ATP1A3: variants seen among roughly 807,000 people sequenced by gnomAD.
ATP1A3 encodes ATPase Na+/K+ transporting subunit alpha 3.
Under a neutral mutation model 108.8 loss-of-function variants are expected in ATP1A3, and 12 were observed. The observed-to-expected ratio is 0.11, with a 90% confidence interval of 0.07 to 0.18. The LOEUF is 0.18. ATP1A3 is among the 10% of genes least tolerant of loss of function. The pLI, the probability that ATP1A3 is intolerant of heterozygous loss-of-function variation, is 1.00. For missense variants in ATP1A3, 498 were observed against 1,387.7 expected, an observed-to-expected ratio of 0.36 and a Z score of 10.19; for synonymous variants, 539 against 564.5, an observed-to-expected ratio of 0.95 and a Z score of 0.64.
At chr19:41,993,320 A>T in intron 1 of ATP1A3, 1 of 1,439,704 alleles carries the variant, frequency 6.9e-7, no homozygotes, top group Non-Finnish European at 9.4e-7. Flanking sequence ...AGGCAAGGAC[A>T]CAGCCAGGCA....
intron 4 of ATP1A3, 22 bp downstream of exon 4, chr19:41,987,914 A>G (rs2075301424): frequency 6.2e-7 from 1 of 1,612,338 alleles, no homozygotes; most frequent in Non-Finnish European, 8.5e-7. Flanking sequence ...AGCCTTGCAC[A>G]GGGCAGGGTC....
intron 8 of ATP1A3, 24 bp from the exon 9 acceptor site, chr19:41,982,130 A>C: frequency 6.2e-7 from 1 of 1,613,910 alleles, no homozygotes; most frequent in Non-Finnish European, 8.5e-7. Flanking sequence ...AAGGGCAGGC[A>C]AGTTACAGGG....
Position 41,968,747 on chromosome 19 carries a change from A to G in ATP1A3, c.2819+38T>C, listed in dbSNP as rs1555859134. 6.2e-7 allele frequency: 1 copy of G among 1,612,898 alleles called. No individual in the cohort carries two copies. The highest frequency in any genetic ancestry group is 8.5e-7 in the Non-Finnish European group (1 of 1,179,152). ...AGACAGACAGACACTCGGACAGGAC[A>G]GATGGCTGTCCAGTCACCATGTGCC... On this transcript the variant is annotated intron_variant, in intron 20 of 22. Transcript: ENST00000648268. This position sits in a 1 kb window ranked among gnomAD's most constrained non-coding sequence, Gnocchi z 5.0.
At chr19:41,975,177 G>A (rs905839726) in intron 16 of ATP1A3, among the ~76,000 whole-genome samples, 2 of 151,936 alleles carry the variant, frequency 1.3e-5, no homozygotes, top group Admixed American at 6.6e-5. Flanking sequence ...TCAGCCTCCC[G>A]AGTAGCTGGG....
Position 41,985,715 on chromosome 19 carries a change from T to C in ATP1A3, c.606+149A>G. On this transcript the variant is annotated intron_variant, in intron 6 of 22. Coordinates refer to ENST00000648268, the MANE Select transcript of ATP1A3 (RefSeq NM_152296.5). This position sits in a 1 kb window ranked among gnomAD's most constrained non-coding sequence, Gnocchi z 8.2. The stretch of plus-strand genomic sequence containing the variant: ...GGCCCAGGGCCTAAACTCCTGGGTC[T>C]GAGGGAGGAGGGCCTGGGGGCCTGG... 8.0e-7 allele frequency: 1 copy of C among 1,253,414 alleles called. No homozygotes were observed. Among genetic ancestry groups the C allele is most frequent in the Non-Finnish European group, 1.1e-6 (1 of 916,506 alleles). The allele number at this position is 1,253,414 out of a possible 1,614,324, so 77.6% of individuals were successfully genotyped here.
Position 41,967,811 on chromosome 19 carries a change from C to A in ATP1A3, c.2820-48G>T. On this transcript the variant is annotated intron_variant, in intron 20 of 22. Transcript: ENST00000648268. This position sits in a 1 kb window ranked among gnomAD's most constrained non-coding sequence, Gnocchi z 4.2. ...CTGGGCCCAGAGAGCACCCACCCTG[C>A]ACCTGCCACCCCGCAGAGACAGGGG... is the stretch of plus-strand genomic sequence containing the variant. 1 of 1,552,476 alleles carries A rather than the reference C, an allele frequency of 6.4e-7. No individual in the cohort carries two copies. The highest frequency in any genetic ancestry group is 8.9e-7 in the Non-Finnish European group (1 of 1,129,460).
At chr19:41,969,135 C>A (rs766744529) in intron 19 of ATP1A3, among the ~76,000 whole-genome samples, 1 of 152,132 alleles carries the variant, frequency 6.6e-6, no homozygotes, top group Non-Finnish European at 1.5e-5. Flanking sequence ...CCACCAGGGG[C>A]CAGGGAGGAG....
In ATP1A3 at chr19:41,966,662, A is replaced by T; in HGVS notation, c.*275T>A. On this transcript the variant is annotated 3_prime_UTR_variant, in exon 23 of 23. Transcript: ENST00000648268. Reference sequence around the variant, plus strand: ...CCGGGGGGCTGAAGGGGAGTAAAAAAGAGCCCAGGGAGGTGGCTGGGGCGG... The same window carrying T: ...CCGGGGGGCTGAAGGGGAGTAAAAATGAGCCCAGGGAGGTGGCTGGGGCGG... 5.3e-6 allele frequency: 8 copies of T among 1,523,060 alleles called. No individual in the cohort carries two copies. The highest frequency in any genetic ancestry group is 7.1e-6 in the Non-Finnish European group (8 of 1,129,762). 94.3% of individuals were successfully genotyped at this position (1,523,060 alleles called of 1,614,324 possible).
Position 41,994,063 on chromosome 19 carries a change from G to A in ATP1A3, c.6+8C>T. The A allele has an allele frequency of 6.2e-7, 1 of 1,605,944 alleles. No homozygotes were observed. Among genetic ancestry groups the A allele is most frequent in the Non-Finnish European group, 8.5e-7 (1 of 1,177,248 alleles). ...ACGGAAGCGGCGCCCAGCCGGCTCA[G>A]CACCTACCCCCATCTTGGCGGCTCC... On this transcript the variant is annotated splice_region_variant and intron_variant, in intron 1 of 22. Transcript: ENST00000648268.
Position 41,976,514 on chromosome 19 carries a change from C to T in ATP1A3, c.1996G>A (p.Glu666Lys), listed in dbSNP as rs782395799. Residue 666 changes from glutamate to lysine, a missense_variant, in exon 15 of 23, where the codon GAG becomes AAG. Glu to Lys is a moderately conservative substitution (Grantham distance 56). This residue lies in a region of ATP1A3 where 20 missense variants were observed against 17.8 expected (regional missense o/e 1.12). Transcript: ENST00000648268. Reference protein sequence around the residue: ...HGTDLKDFTSEQIDEILQNHT... With the variant: ...HGTDLKDFTSKQIDEILQNHT... ...TTCTGCAGGATCTCGTCGATTTGCT[C>T]GGAGGTGAAGTCCTTGAGGTCGGTG... The T allele has an allele frequency of 3.7e-6, 6 of 1,614,014 alleles. No homozygotes were observed. The highest frequency in any genetic ancestry group is 1.3e-5 in the African/African-American group (1 of 74,912).
chr19:41,981,497 A>T lies in ATP1A3; in HGVS notation c.1437+5T>A, dbSNP rs2075231295. ...AGGCTGGCTCTCCCGGAAAGCCCAG[A>T]GTACCTGGTATTTGTTGGTGGAATT... is the stretch of plus-strand genomic sequence containing the variant. On this transcript the variant is annotated splice_donor_5th_base_variant and intron_variant, in intron 11 of 22. Coordinates refer to ENST00000648268, the MANE Select transcript of ATP1A3 (RefSeq NM_152296.5). This position sits in a 1 kb window ranked among gnomAD's most constrained non-coding sequence, Gnocchi z 5.0. The T allele has an allele frequency of 1.2e-6, 2 of 1,614,056 alleles. No homozygotes were observed. Among genetic ancestry groups the T allele is most frequent in the Non-Finnish European group, 1.7e-6 (2 of 1,180,038 alleles).
At chr19:41,971,464 T>C (rs2075109246) in intron 16 of ATP1A3, among the ~76,000 whole-genome samples, 1 of 152,146 alleles carries the variant, frequency 6.6e-6, no homozygotes, top group Admixed American at 6.6e-5. Context: ...ATGTTCACCA[T>C]AGCACCACTC....
rs542945494 is a variant in ATP1A3 at position 41,989,025 on chromosome 19, G to A, written c.7-463C>T. 2.4e-3 allele frequency among the ~76,000 whole-genome samples: 365 copies of A among 151,920 alleles called. 2 individuals carry two copies. Among genetic ancestry groups the A allele is most frequent in the African/African-American group, 5.7e-3 (238 of 41,406 alleles). Reference sequence around the variant, plus strand: ...AGCAATCACAGCTCACTGCAGCCTCGACTTCTGAGGCTCAGGTGATCCTCC... The same window carrying A: ...AGCAATCACAGCTCACTGCAGCCTCAACTTCTGAGGCTCAGGTGATCCTCC... On this transcript the variant is annotated intron_variant, in intron 1 of 22. Transcript: ENST00000648268.
At chr19:41,971,774 G>C (rs1015661615) in intron 16 of ATP1A3, among the ~76,000 whole-genome samples, 4 of 152,082 alleles carry the variant, frequency 2.6e-5, no homozygotes, top group Admixed American at 2.6e-4. Flanking sequence ...TAAATGGGGG[G>C]CTGGAATGGT....
rs2075069032 is a variant in ATP1A3 at position 41,968,586 on chromosome 19, G to A, written c.2819+199C>T. Among the ~76,000 whole-genome samples, 1 of 152,138 alleles carries A rather than the reference G, an allele frequency of 6.6e-6. No homozygotes were observed. The highest frequency in any genetic ancestry group is 1.5e-5 in the Non-Finnish European group (1 of 68,014). ...AGCTACTCAGGAGGCTGAGGTGGGT[G>A]GGTCACTTGAGCCCAGGAGGTCGAG... is the stretch of plus-strand genomic sequence containing the variant. On this transcript the variant is annotated intron_variant, in intron 20 of 22. Transcript: ENST00000648268. The surrounding 1 kb of genome is among the most constrained non-coding windows in gnomAD (Gnocchi z 5.0).
chr19:41,988,557 C>T lies in ATP1A3; in HGVS notation c.12G>A (p.Lys4=), dbSNP rs1555866350. The change falls in exon 2 of 23, where the codon AAG becomes AAA. Residue 4 remains lysine, a synonymous_variant. Coordinates refer to ENST00000648268, the MANE Select transcript of ATP1A3 (RefSeq NM_152296.5). This position sits in a 1 kb window ranked among gnomAD's most constrained non-coding sequence, Gnocchi z 5.3. ...TCTTGGGTGAGTCCTTGTCATCTTT[C>T]TTGTCCTGCGAGGTGGCGATACGAT... is the stretch of plus-strand genomic sequence containing the variant. MGD[K]KDDKDSPKKN... is the part of the protein sequence containing the mutation. The T allele has an allele frequency of 3.1e-6, 5 of 1,614,178 alleles. No homozygotes were observed.
chr19:41,967,898 T>C lies in ATP1A3; in HGVS notation c.2820-135A>G. The C allele has an allele frequency of 2.6e-6, 2 of 765,230 alleles. No individual in the cohort carries two copies. The highest frequency in any genetic ancestry group is 4.6e-6 in the Non-Finnish European group (2 of 436,866). The allele number at this position is 765,230 out of a possible 1,614,324, so 47.4% of individuals were successfully genotyped here. ...ACACAGAGACAGAGAGGCAGAGACA[T>C]AGGGAGAGACAGAGATGGGGAGACA... On this transcript the variant is annotated intron_variant, in intron 20 of 22. Transcript: ENST00000648268. This position sits in a 1 kb window ranked among gnomAD's most constrained non-coding sequence, Gnocchi z 4.2.
rs782717626 is a variant in ATP1A3 at position 41,988,567 on chromosome 19, G to A, written c.7-5C>T. 9.3e-6 allele frequency: 15 copies of A among 1,614,016 alleles called. No homozygotes were observed. Among genetic ancestry groups the A allele is most frequent in the South Asian group, 3.3e-5 (3 of 91,082 alleles). On this transcript the variant is annotated splice_polypyrimidine_tract_variant and splice_region_variant and intron_variant, in intron 1 of 22. Coordinates refer to ENST00000648268, the MANE Select transcript of ATP1A3 (RefSeq NM_152296.5). The surrounding 1 kb of genome is among the most constrained non-coding windows in gnomAD (Gnocchi z 5.3). ...GTCCTTGTCATCTTTCTTGTCCTGC[G>A]AGGTGGCGATACGATAGCTGTCAGA...
intron 16 of ATP1A3, among the ~76,000 whole-genome samples, chr19:41,975,115 A>G (rs1180641996): frequency 4.0e-5 from 6 of 151,242 alleles, no homozygotes; most frequent in Non-Finnish European, 7.4e-5. Flanking sequence ...GCTGTGGCGC[A>G]ATCTCAGCTC....
Sources: gnomAD v4.1 joint callset for allele counts (sites outside exome capture counted in the v4.1 genomes callset) on GRCh38, gnomAD v4.1.1 for gene constraint, gnomAD v4.1.1 regional missense constraint, Gnocchi (gnomAD v3.1) non-coding constraint, MANE v1.5 for transcripts, NCBI Gene and HGNC (gene_info 2026-07-23, HGNC 2026-07-21) for gene names.